DDAH1: variants seen among roughly 807,000 people sequenced by gnomAD.
The protein encoded by DDAH1 is N(G),N(G)-dimethylarginine dimethylaminohydrolase 1.
A neutral mutation model predicts 28.8 loss-of-function variants in DDAH1; 19 were observed. The ratio of observed to expected loss-of-function variants is 0.66; its 90% CI spans 0.46 to 0.97. The LOEUF is 0.97. Among genes scored for constraint, DDAH1 ranks in the 50% least tolerant of loss-of-function variants. The probability of loss-of-function intolerance (pLI) is 0.00; values close to 1 mark genes in which losing one functional copy is unlikely to be tolerated. For missense variants in DDAH1, 326 were observed against 375.9 expected (o/e 0.87, Z 1.10); for synonymous variants, 153 against 154.4 (o/e 0.99, Z 0.07).
intron 1 of DDAH1, among the ~76,000 whole-genome samples, chr1:85,366,980 T>C (rs979046112): frequency 6.6e-5 from 10 of 152,196 alleles, no homozygotes; most frequent in Non-Finnish European, 8.8e-5. Flanking sequence ...CAGGCTCTGC[T>C]TATTTGCCAA....
chr1:85,380,836 T>C (rs1187194777), intron 1 of DDAH1, among the ~76,000 whole-genome samples: 1 of 152,192 alleles, frequency 6.6e-6, no homozygotes, highest in Non-Finnish European at 1.5e-5. Flanking sequence ...TGTGTGTGTG[T>C]TATGAAATAT....
At chr1:85,467,970 A>T (rs1320168453), upstream of DDAH1, among the ~76,000 whole-genome samples, 1 of 152,198 alleles carries the variant, frequency 6.6e-6, no homozygotes, top group South Asian at 2.1e-4. Flanking sequence ...AGAGAGATCT[A>T]TCTCTATGGT....
At chr1:85,428,583 C>CACT (rs1210812828) in intron 1 of DDAH1, among the ~76,000 whole-genome samples, 2 of 152,090 alleles carry the variant, frequency 1.3e-5, no homozygotes, top group Non-Finnish European at 2.9e-5. Flanking sequence ...CAGAGACAAA[C>CACT]ACTACTTAAC....
intron 1 of DDAH1, among the ~76,000 whole-genome samples, chr1:85,401,140 A>C (rs1652083309): frequency 6.6e-6 from 1 of 152,176 alleles, no homozygotes; most frequent in Non-Finnish European, 1.5e-5. Flanking sequence ...TTAAAAGGCG[A>C]TCTTCGTGCT....
At chr1:85,512,194 C>T (rs1311185184) in intron 1 of DDAH1, among the ~76,000 whole-genome samples, 3 of 152,148 alleles carry the variant, frequency 2.0e-5, no homozygotes, top group South Asian at 2.1e-4. Context: ...GCTGGTTCAA[C>T]ATACGCAAAT....
intron 4 of DDAH1, among the ~76,000 whole-genome samples, chr1:85,341,844 A>C (rs1001709639): frequency 1.8e-4 from 28 of 151,756 alleles, no homozygotes; most frequent in African/African-American, 6.3e-4. Flanking sequence ...AACAAAAACA[A>C]AAAAAAACCC....
At chr1:85,442,594 G>A (rs182141682) in intron 1 of DDAH1, among the ~76,000 whole-genome samples, 63 of 152,318 alleles carry the variant, frequency 4.1e-4, no homozygotes, top group African/African-American at 1.4e-3. Context: ...GATCCTTGAG[G>A]AATCACCACA....
chr1:85,345,494 A>G (rs1186613525), intron 4 of DDAH1, among the ~76,000 whole-genome samples: 1 of 152,164 alleles, frequency 6.6e-6, no homozygotes, highest in African/African-American at 2.4e-5. Flanking sequence ...GTTCAAACCA[A>G]CCTAACTTCT....
intron 1 of DDAH1, among the ~76,000 whole-genome samples, chr1:85,409,957 C>A (rs1029898646): frequency 2.6e-5 from 4 of 152,154 alleles, no homozygotes; most frequent in African/African-American, 9.7e-5. Flanking sequence ...CATAACAATT[C>A]TCCTTATGTA....
At chr1:85,361,590 T>C (rs952632073) in intron 1 of DDAH1, among the ~76,000 whole-genome samples, 1 of 152,188 alleles carries the variant, frequency 6.6e-6, no homozygotes, top group African/African-American at 2.4e-5. Context: ...GAGTATAAAG[T>C]ATATACAGTA....
chr1:85,508,218 T>C (rs1410444733), intron 1 of DDAH1, among the ~76,000 whole-genome samples: 1 of 152,236 alleles, frequency 6.6e-6, no homozygotes, highest in South Asian at 2.1e-4. Context: ...CTGAATCGAT[T>C]ATTTCATTGG....
chr1:85,497,385 G>A (rs1039432918), intron 1 of DDAH1, among the ~76,000 whole-genome samples: 3 of 152,176 alleles, frequency 2.0e-5, no homozygotes, highest in African/African-American at 7.2e-5. Flanking sequence ...GCAACACTTT[G>A]CAGATTTAAA....
At chr1:85,379,713 T>C (rs1650875497) in intron 1 of DDAH1, 2 of 985,154 alleles carry the variant, frequency 2.0e-6, no homozygotes, top group Non-Finnish European at 2.4e-6. Flanking sequence ...ACTGAACTTA[T>C]CTATTTCCCA....
chr1:85,516,178 C>T (rs1203504535), intron 1 of DDAH1, among the ~76,000 whole-genome samples: 1 of 151,910 alleles, frequency 6.6e-6, no homozygotes, highest in South Asian at 2.1e-4. Context: ...GTTAGAATTT[C>T]AACATATGAA....
chr1:85,382,616 G>A (rs1651050753), intron 1 of DDAH1, among the ~76,000 whole-genome samples: 1 of 152,198 alleles, frequency 6.6e-6, no homozygotes, highest in South Asian at 2.1e-4. Flanking sequence ...ATTAAATCCA[G>A]TAGCCTTATA....
intron 2 of DDAH1, chr1:85,494,659 AGATG>A: frequency 6.6e-6 from 1 of 152,326 alleles, no homozygotes; most frequent in East Asian, 1.9e-4. Flanking sequence ...TGCCTTTCAT[AGATG>A]AAGGAAGTGA....
intron 1 of DDAH1, among the ~76,000 whole-genome samples, chr1:85,393,187 T>A (rs1032462124): frequency 2.0e-5 from 3 of 152,238 alleles, no homozygotes; most frequent in Admixed American, 2.0e-4. Flanking sequence ...CATTGTTCTG[T>A]ACACTATGTA....
intron 1 of DDAH1, among the ~76,000 whole-genome samples, chr1:85,414,692 T>C (rs1046599897): frequency 3.9e-5 from 6 of 152,218 alleles, no homozygotes; most frequent in African/African-American, 9.6e-5. Flanking sequence ...GCTCTCTTTG[T>C]CTGAGTTATG....
At chr1:85,403,219 AT>A (rs1652236168) in intron 1 of DDAH1, among the ~76,000 whole-genome samples, 3 of 96,360 alleles carry the variant, frequency 3.1e-5, no homozygotes, top group Non-Finnish European at 4.3e-5. Context: ...ATGAATATGT[AT>A]GTGAATATAT....
Sources: allele counts gnomAD v4.1 joint callset (sites outside exome capture counted in the v4.1 genomes callset), GRCh38; gene constraint gnomAD v4.1.1; transcripts MANE v1.5; gene names NCBI Gene and HGNC (gene_info 2026-07-23, HGNC 2026-07-21).